APBB2: variants seen among roughly 807,000 people sequenced by gnomAD.
APBB2 encodes the protein amyloid beta precursor protein binding family B member 2, also known as Fe65-like 1.
In APBB2, 38 loss-of-function variants were observed where a neutral mutation model predicts 82.5. The observed-to-expected ratio is 0.46, with a 90% CI of 0.36 to 0.60. APBB2 has a LOEUF of 0.60. APBB2 is among the 20% of genes least tolerant of loss of function. APBB2 has a pLI of 0.00. For missense variants in APBB2, 772 were observed against 972.3 expected, an observed-to-expected ratio of 0.79 and a Z score of 2.74; for synonymous variants, 341 against 368.2, an observed-to-expected ratio of 0.93 and a Z score of 0.85.
intron 2 of APBB2, among the ~76,000 whole-genome samples, chr4:41,110,471 C>T (rs4861373): frequency 0.13 from 20,031 of 151,828 alleles, 1,421 homozygotes; most frequent in Non-Finnish European, 0.16. Context: ...TGTGTGGTGA[C>T]GGGCACCTGT....
intron 1 of APBB2, among the ~76,000 whole-genome samples, chr4:41,184,218 C>A (rs926892027): frequency 6.6e-6 from 1 of 152,224 alleles, no homozygotes; most frequent in South Asian, 2.1e-4. Flanking sequence ...CGCTGGCCTG[C>A]CACTCTCCTC....
At chr4:40,949,964 G>A (rs4317240) in intron 6 of APBB2, among the ~76,000 whole-genome samples, 32,346 of 152,022 alleles carry the variant, frequency 0.21, 3,570 homozygotes, top group African/African-American at 0.26. Flanking sequence ...GTGAGATTCG[G>A]CACTGGACAG....
intron 1 of APBB2, among the ~76,000 whole-genome samples, chr4:41,151,885 C>T (rs1218593465): frequency 6.6e-6 from 1 of 151,868 alleles, no homozygotes; most frequent in Non-Finnish European, 1.5e-5. Context: ...AGGAACATGG[C>T]CATTTATGTC....
chr4:40,920,904 G>A (rs780339595), intron 10 of APBB2, among the ~76,000 whole-genome samples: 1 of 151,604 alleles, frequency 6.6e-6, no homozygotes, highest in Non-Finnish European at 1.5e-5. Flanking sequence ...GGCCAGGGAC[G>A]GGCTGACCTA....
intron 12 of APBB2, among the ~76,000 whole-genome samples, chr4:40,844,588 T>C (rs1444253147): frequency 6.6e-6 from 1 of 152,172 alleles, no homozygotes; most frequent in Non-Finnish European, 1.5e-5. Flanking sequence ...TGATACAGGA[T>C]GCTGGAGAGT....
At chr4:40,954,175 T>A (rs1790963602) in intron 6 of APBB2, among the ~76,000 whole-genome samples, 1 of 152,134 alleles carries the variant, frequency 6.6e-6, no homozygotes, top group African/African-American at 2.4e-5. Flanking sequence ...AAGGGTCAAA[T>A]GAAAATAGAT....
At chr4:40,913,704 A>T (rs1779138268) in intron 10 of APBB2, among the ~76,000 whole-genome samples, 1 of 152,164 alleles carries the variant, frequency 6.6e-6, no homozygotes, top group Non-Finnish European at 1.5e-5. Flanking sequence ...TTCAGTTCTT[A>T]TACTGTAAAG....
chr4:40,846,852 G>A lies in APBB2; in HGVS notation c.1530-16275C>T, dbSNP rs886250214. On this transcript the variant is annotated intron_variant, in intron 12 of 17. Coordinates refer to ENST00000508593, the MANE Select transcript of APBB2 (RefSeq NM_004307.2). ...AAAAAGGATATTTAAAAGCAACCAG[G>A]AAACGAGTATTTTTAAAAGTCCATC... Among the ~76,000 whole-genome samples the A allele has an allele frequency of 1.1e-4, 17 of 152,084 alleles. 1 individual carries two copies. Among genetic ancestry groups the A allele is most frequent in the Admixed American group, 1.0e-3 (16 of 15,274 alleles).
At chr4:41,090,770 C>T (rs1355468334) in intron 3 of APBB2, among the ~76,000 whole-genome samples, 1 of 152,042 alleles carries the variant, frequency 6.6e-6, no homozygotes, top group Non-Finnish European at 1.5e-5. Context: ...GTATGGTCAC[C>T]TAACTTATTA....
At chr4:40,897,689 G>C (rs973070895) in intron 10 of APBB2, among the ~76,000 whole-genome samples, 10 of 152,168 alleles carry the variant, frequency 6.6e-5, no homozygotes, top group Non-Finnish European at 2.9e-5. Flanking sequence ...GGAAACAGGT[G>C]TAAGCGGGAC....
At chr4:40,866,412 C>T (rs556685457) in intron 12 of APBB2, among the ~76,000 whole-genome samples, 4 of 152,114 alleles carry the variant, frequency 2.6e-5, no homozygotes, top group African/African-American at 7.2e-5. Flanking sequence ...ACCCGATGAT[C>T]GTTACTTCCA....
At chr4:41,115,459 A>T (rs1219767114) in intron 2 of APBB2, among the ~76,000 whole-genome samples, 1 of 152,228 alleles carries the variant, frequency 6.6e-6, no homozygotes, top group Non-Finnish European at 1.5e-5. Context: ...AACAAAAACC[A>T]AAATTGACAA....
At chr4:41,122,222 G>GCT (rs2153994178) in intron 2 of APBB2, among the ~76,000 whole-genome samples, 1 of 152,270 alleles carries the variant, frequency 6.6e-6, no homozygotes, top group South Asian at 2.1e-4. Context: ...CACCACACCT[G>GCT]CTTGTTTTTA....
intron 12 of APBB2, among the ~76,000 whole-genome samples, chr4:40,889,620 T>G (rs913068880): frequency 1.3e-5 from 2 of 152,242 alleles, no homozygotes; most frequent in Admixed American, 6.5e-5. Flanking sequence ...TAACTGCATT[T>G]AATGTAGACC....
At chr4:40,919,859 AGAT>A (rs1330103416) in intron 10 of APBB2, among the ~76,000 whole-genome samples, 2 of 152,240 alleles carry the variant, frequency 1.3e-5, no homozygotes, top group African/African-American at 4.8e-5. Flanking sequence ...CCCATTTTAC[AGAT>A]GAGAGAAGCG....
intron 12 of APBB2, among the ~76,000 whole-genome samples, chr4:40,850,779 A>C (rs984903427): frequency 6.6e-6 from 1 of 152,128 alleles, no homozygotes; most frequent in Non-Finnish European, 1.5e-5. Flanking sequence ...TCAGCTCTAA[A>C]AAAAATTTTT....
chr4:41,174,431 A>G (rs56201594), intron 1 of APBB2, among the ~76,000 whole-genome samples: 13,423 of 152,190 alleles, frequency 0.088, 788 homozygotes, highest in Non-Finnish European at 0.13. Context: ...TAACCGGCGC[A>G]TCCTACATCA....
intron 2 of APBB2, among the ~76,000 whole-genome samples, chr4:41,112,096 G>C (rs1471811888): frequency 2.0e-5 from 3 of 152,170 alleles, no homozygotes; most frequent in Non-Finnish European, 4.4e-5. Context: ...ATAAATTAAA[G>C]CATCATTCAC....
At chr4:40,909,832 G>A (rs990983546) in intron 10 of APBB2, among the ~76,000 whole-genome samples, 4 of 152,114 alleles carry the variant, frequency 2.6e-5, no homozygotes, top group Non-Finnish European at 4.4e-5. Flanking sequence ...GAAGGTGGGC[G>A]CTGACATTTA....
Sources: allele counts gnomAD v4.1 joint callset (sites outside exome capture counted in the v4.1 genomes callset), GRCh38; gene constraint gnomAD v4.1.1; transcripts MANE v1.5; gene names NCBI Gene and HGNC (gene_info 2026-07-23, HGNC 2026-07-21).